Variants in XPO5 observed in about 807,000 individuals in gnomAD.
The protein encoded by XPO5 is exportin 5.
A neutral mutation model predicts 160.6 loss-of-function variants in XPO5; 46 were observed. The ratio of observed to expected loss-of-function variants is 0.29; its 90% CI spans 0.23 to 0.37. The LOEUF is 0.37. XPO5 is among the 10% of genes least tolerant of loss of function. The pLI, the probability that XPO5 is intolerant of heterozygous loss-of-function variation, is 1.00. For missense variants in XPO5, 1,090 were observed against 1,463.9 expected, an observed-to-expected ratio of 0.74 and a Z score of 4.17; for synonymous variants, 537 against 519.3, an observed-to-expected ratio of 1.03 and a Z score of -0.46.
At position 43,528,141 on chromosome 6, in the gene XPO5, TG is replaced by T. The variant is rs771114333; in HGVS notation, c.2822+17del. The T allele has an allele frequency of 6.3e-7, 1 of 1,579,456 alleles. No individual in the cohort carries two copies. Among genetic ancestry groups the T allele is most frequent in the East Asian group, 2.3e-5 (1 of 43,524 alleles). ...CTGCCAGTTCATCCACCAAGAAGAG[TG>T]GGTAGGTATCCCTTACCACAGCAGG... On this transcript the variant is annotated intron_variant, in intron 25 of 31. Coordinates refer to ENST00000265351, the MANE Select transcript of XPO5 (RefSeq NM_020750.3).
chr6:43,535,942 G>A (rs1794293518), intron 20 of XPO5, among the ~76,000 whole-genome samples: 1 of 152,060 alleles, frequency 6.6e-6, no homozygotes, highest in Non-Finnish European at 1.5e-5. Context: ...GGCCAACATG[G>A]TGAAACCCTG....
chr6:43,543,088 G>T (rs867817602), intron 20 of XPO5, among the ~76,000 whole-genome samples: 8 of 152,214 alleles, frequency 5.3e-5, no homozygotes, highest in Middle Eastern at 6.8e-3. Context: ...ACAAAATATT[G>T]AGCGAAAGGA....
At chr6:43,571,647 C>A (rs192083261) in intron 3 of XPO5, among the ~76,000 whole-genome samples, 1 of 152,098 alleles carries the variant, frequency 6.6e-6, no homozygotes, top group Non-Finnish European at 1.5e-5. Context: ...TCTCTAAAAA[C>A]CAAAAACAAA....
In XPO5 at chr6:43,555,891, A is replaced by G. The variant is rs1320500941; in HGVS notation, c.1386T>C (p.Ala462=). ...RLDPKTSFQM[A]GEWLKYQLST... is the part of the protein sequence containing the mutation. ...ATAGTTGATACTTTAGCCACTCCCC[A>G]GCCATCTGGAAGCTAGTTTTGGGAT... is the stretch of plus-strand genomic sequence containing the variant. The change falls in exon 13 of 32, where the codon GCT becomes GCC. Residue 462 remains alanine, a synonymous_variant. Coordinates refer to ENST00000265351, the MANE Select transcript of XPO5 (RefSeq NM_020750.3). 6.2e-7 allele frequency: 1 copy of G among 1,613,858 alleles called. No homozygotes were observed. The highest frequency in any genetic ancestry group is 8.5e-7 in the Non-Finnish European group (1 of 1,179,878).
chr6:43,533,158 G>GT (rs997393269), intron 21 of XPO5, among the ~76,000 whole-genome samples: 3 of 145,650 alleles, frequency 2.1e-5, no homozygotes, highest in Non-Finnish European at 4.5e-5. Context: ...AACAAAAAAG[G>GT]TAACAATTGG....
intron 1 of XPO5, among the ~76,000 whole-genome samples, chr6:43,573,982 A>G (rs750371406): frequency 4.0e-5 from 6 of 151,754 alleles, no homozygotes; most frequent in Non-Finnish European, 7.4e-5. Context: ...AGTGCACGCC[A>G]CCACACCCAG....
chr6:43,551,238 T>A, intron 15 of XPO5, 60 bp downstream of exon 15: 1 of 1,473,184 alleles, frequency 6.8e-7, no homozygotes, highest in Admixed American at 2.5e-5. Context: ...AAAAATAAAA[T>A]AAATAAAAAT....
At chr6:43,567,947 A>AAAAAAGTAAG (rs1444844029) in intron 6 of XPO5, among the ~76,000 whole-genome samples, 1 of 149,298 alleles carries the variant, frequency 6.7e-6, no homozygotes, top group African/African-American at 2.4e-5. Flanking sequence ...AAAAAAAAAA[A>AAAAAAGTAAG]AAAAAGTAAG....
chr6:43,541,800 T>TA (rs1794708524), intron 20 of XPO5, among the ~76,000 whole-genome samples: 1 of 152,338 alleles, frequency 6.6e-6, no homozygotes, highest in South Asian at 2.1e-4. Context: ...TTTTTTGAGA[T>TA]AGAGTCTCAT....
chr6:43,527,782 C>A, intron 25 of XPO5, 51 bp from the exon 26 acceptor site: 1 of 1,592,834 alleles, frequency 6.3e-7, no homozygotes, highest in Non-Finnish European at 8.6e-7. Flanking sequence ...AAAGGAAGGA[C>A]AAGGAAAGCA....
rs1306717230 is a variant in XPO5 at position 43,523,701 on chromosome 6, T to G, written c.*167A>C. The G allele has an allele frequency of 4.8e-6, 5 of 1,046,396 alleles. No individual in the cohort carries two copies. Among genetic ancestry groups the G allele is most frequent in the Non-Finnish European group, 7.5e-6 (5 of 662,662 alleles). 64.8% of individuals were successfully genotyped at this position (1,046,396 alleles called of 1,614,324 possible). On this transcript the variant is annotated 3_prime_UTR_variant, in exon 32 of 32. Transcript: ENST00000265351. ...TTTCTTGATACTTTAGTATAATTAC[T>G]TCTGGTCCTGCACAGGGCCTGTTCT...
At chr6:43,550,212 C>A (rs1010537255) in intron 15 of XPO5, among the ~76,000 whole-genome samples, 1 of 152,200 alleles carries the variant, frequency 6.6e-6, no homozygotes, top group Non-Finnish European at 1.5e-5. Context: ...GCTATGGAAA[C>A]GCCTCTCTCT....
At chr6:43,526,523 G>T in intron 27 of XPO5, 162 bp downstream of exon 27, 1 of 714,802 alleles carries the variant, frequency 1.4e-6, no homozygotes. Flanking sequence ...GCTTGGAGGT[G>T]GGAGTATGAT....
chr6:43,572,542 C>T lies in XPO5; in HGVS notation c.264G>A (p.Val88=), dbSNP rs1222984814. 1.9e-6 allele frequency: 3 copies of T among 1,613,864 alleles called. No individual in the cohort carries two copies. Among genetic ancestry groups the T allele is most frequent in the African/African-American group, 2.7e-5 (2 of 74,916 alleles). ...RWNGMSRLEK[V]YLKNSVMELI... ...GCTCCATGACACTGTTCTTCAGATA[C>T]ACCTTCTCCAATCGAGACATGCCGT... Residue 88 remains valine, a synonymous_variant, in exon 3 of 32, where the codon GTG becomes GTA. Coordinates refer to ENST00000265351, the MANE Select transcript of XPO5 (RefSeq NM_020750.3).
intron 6 of XPO5, 25 bp from the exon 7 acceptor site, chr6:43,567,379 A>T (rs1266301879): frequency 6.3e-7 from 1 of 1,578,074 alleles, no homozygotes; most frequent in Non-Finnish European, 8.6e-7. Flanking sequence ...GTAACTTTGG[A>T]CCATGAAGTC....
chr6:43,564,993 G>C (rs1161736586), intron 8 of XPO5, among the ~76,000 whole-genome samples: 1 of 150,582 alleles, frequency 6.6e-6, no homozygotes, highest in Non-Finnish European at 1.5e-5. Context: ...TGTGATCTCA[G>C]CTCACAGCAA....
intron 10 of XPO5, among the ~76,000 whole-genome samples, 173 bp downstream of exon 10, chr6:43,560,751 G>C (rs147479127): frequency 1.3e-5 from 2 of 152,188 alleles, no homozygotes; most frequent in Non-Finnish European, 2.9e-5. Context: ...CAAGTGCACT[G>C]TTTGGCTCAG....
Position 43,531,572 on chromosome 6 carries a change from A to G in XPO5, c.2447T>C (p.Leu816Ser). The G allele has an allele frequency of 1.9e-6, 3 of 1,613,330 alleles. No individual in the cohort carries two copies. The highest frequency in any genetic ancestry group is 2.5e-6 in the Non-Finnish European group (3 of 1,179,288). The change falls in exon 22 of 32, where the codon TTA becomes TCA. Residue 816 changes from leucine (L) to serine (S), a missense_variant. Around this residue, in one of 3 missense-constraint regions of XPO5, gnomAD observed 810 missense variants for 1,139.0 expected, o/e 0.71. Coordinates refer to ENST00000265351, the MANE Select transcript of XPO5 (RefSeq NM_020750.3). The stretch of plus-strand genomic sequence containing the variant: ...ATTGAGTTCCAAGAGAGGTTGAGGT[A>G]ATCCTACAGGGAAATACGGGTCAAG... ...LDAEKSAILGLPQPLLELNDS... is the reference protein window; with the variant it reads ...LDAEKSAILGSPQPLLELNDS...
At chr6:43,557,212 G>C (rs1341177535) in intron 12 of XPO5, among the ~76,000 whole-genome samples, 1 of 151,410 alleles carries the variant, frequency 6.6e-6, no homozygotes, top group South Asian at 2.1e-4. Context: ...GGATCACGAG[G>C]TCAGGAGATT....
Sources: gnomAD v4.1 joint callset for allele counts (sites outside exome capture counted in the v4.1 genomes callset) on GRCh38, gnomAD v4.1.1 for gene constraint, gnomAD v4.1.1 regional missense constraint, MANE v1.5 for transcripts, NCBI Gene and HGNC (gene_info 2026-07-23, HGNC 2026-07-21) for gene names.